Variants in NEDD4 observed in about 807,000 individuals in gnomAD.
NEDD4 encodes E3 ubiquitin-protein ligase NEDD4.
In NEDD4, 99 loss-of-function variants were observed where a neutral mutation model predicts 144.9. The observed-to-expected ratio is 0.68, with a 90% CI of 0.58 to 0.81. The LOEUF (loss-of-function observed/expected upper bound fraction) is 0.81. NEDD4 is among the 30% of genes least tolerant of loss of function. The pLI is 0.00. For synonymous variants in NEDD4, 318 were observed against 350.6 expected, an observed-to-expected ratio of 0.91 and a Z score of 1.04; for missense variants, 985 against 1,065.9, an observed-to-expected ratio of 0.92 and a Z score of 1.06.
chr15:55,974,916 A>T (rs1295571092), intron 1 of NEDD4, among the ~76,000 whole-genome samples: 21 of 40,826 alleles, frequency 5.1e-4, no homozygotes, highest in South Asian at 7.9e-4. Flanking sequence ...TTTTTTTGAG[A>T]TGGAGTCTTG....
At chr15:55,972,373 AAAGC>A (rs2037626812) in intron 1 of NEDD4, among the ~76,000 whole-genome samples, 1 of 152,220 alleles carries the variant, frequency 6.6e-6, no homozygotes, top group African/African-American at 2.4e-5. Context: ...AAAAAGTTAA[AAAGC>A]AAGAAGGATA....
rs76054130 is a variant in NEDD4 at position 55,930,431 on chromosome 15, G to A, written c.238-5732C>T. ...TAGTCAAACCATTTTCTGAGTCTGT[G>A]GTTCACATGAGGAATTCTGATTGAG... is the stretch of plus-strand genomic sequence containing the variant. On this transcript the variant is annotated intron_variant, in intron 4 of 28. Transcript: ENST00000435532. Among the ~76,000 whole-genome samples, 78 of 152,194 alleles carry A rather than the reference G, an allele frequency of 5.1e-4. 3 individuals carry two copies. The East Asian group carries it at 0.013, about 26-fold the overall frequency.
chr15:55,855,046 A>T (rs567304687), intron 12 of NEDD4, among the ~76,000 whole-genome samples: 20 of 152,136 alleles, frequency 1.3e-4, no homozygotes, highest in Non-Finnish European at 2.4e-4. Context: ...GAGTGAGAGT[A>T]AGGCTAGCGA....
At chr15:55,967,468 G>GTA (rs1387939797) in intron 1 of NEDD4, among the ~76,000 whole-genome samples, 3 of 146,496 alleles carry the variant, frequency 2.0e-5, no homozygotes, top group African/African-American at 7.6e-5. Flanking sequence ...GTGTGTGTGT[G>GTA]TGTGTGTATG....
At chr15:55,966,447 A>G in intron 2 of NEDD4, 26 bp downstream of exon 2, 1 of 1,408,474 alleles carries the variant, frequency 7.1e-7, no homozygotes, top group Non-Finnish European at 9.6e-7. Context: ...AAGTTTTAAA[A>G]TTATAATCCA....
chr15:55,869,506 ATTG>A (rs2034697582), intron 8 of NEDD4, 70 bp downstream of exon 8: 2 of 818,190 alleles, frequency 2.4e-6, no homozygotes, highest in African/African-American at 3.5e-5. Flanking sequence ...TTCAATAGTT[ATTG>A]TTCTTCAGAG....
At chr15:55,836,812 G>A (rs2033223817) in intron 24 of NEDD4, among the ~76,000 whole-genome samples, 1 of 152,024 alleles carries the variant, frequency 6.6e-6, no homozygotes, top group African/African-American at 2.4e-5. Context: ...ACAGGAATGA[G>A]CCACCGCGCC....
At chr15:55,905,898 T>A (rs1372319350) in intron 5 of NEDD4, among the ~76,000 whole-genome samples, 1 of 152,196 alleles carries the variant, frequency 6.6e-6, no homozygotes, top group Admixed American at 6.5e-5. Flanking sequence ...TTTGTCAATT[T>A]TGGCTTTTGT....
intron 7 of NEDD4, among the ~76,000 whole-genome samples, chr15:55,870,808 T>TA (rs1338295393): frequency 6.6e-6 from 1 of 152,172 alleles, no homozygotes; most frequent in African/African-American, 2.4e-5. Flanking sequence ...GTGCTACAAT[T>TA]ACAATGCTTT....
intron 4 of NEDD4, among the ~76,000 whole-genome samples, chr15:55,938,725 C>T (rs1008537322): frequency 6.6e-6 from 1 of 151,972 alleles, no homozygotes. Context: ...AAGAGTTGAT[C>T]TCCAAACTTC....
chr15:55,876,626 T>C (rs2035003845), intron 5 of NEDD4, among the ~76,000 whole-genome samples: 1 of 152,030 alleles, frequency 6.6e-6, no homozygotes, highest in African/African-American at 2.4e-5. Context: ...AATATCTGAC[T>C]AACCCAAAAT....
chr15:55,829,741 T>A lies in NEDD4; in HGVS notation c.*156A>T. ...TTATTTAAAAGTGATTAAAAATAAG[T>A]TGTCGTACTATTTCTTCAAATGCTT... On this transcript the variant is annotated 3_prime_UTR_variant, in exon 29 of 29. Transcript: ENST00000435532. The A allele has an allele frequency of 1.7e-6, 1 of 578,774 alleles. No homozygotes were observed. The allele number at this position is 578,774 out of a possible 1,614,324, so 35.9% of individuals were successfully genotyped here. A position where few individuals can be genotyped will look rare whatever the true frequency, so the allele number is the denominator to read the frequency against.
intron 5 of NEDD4, among the ~76,000 whole-genome samples, chr15:55,884,415 C>G (rs2035313490): frequency 6.6e-6 from 1 of 152,054 alleles, no homozygotes; most frequent in African/African-American, 2.4e-5. Flanking sequence ...GCATCTAGAC[C>G]ATCCAGGAAA....
intron 2 of NEDD4, among the ~76,000 whole-genome samples, chr15:55,961,292 G>A (rs1164037144): frequency 5.3e-5 from 8 of 152,130 alleles, no homozygotes; most frequent in African/African-American, 1.7e-4. Context: ...TCTCATGTGA[G>A]AGACTTCAAG....
At chr15:55,933,649 C>T (rs1194079672) in intron 4 of NEDD4, among the ~76,000 whole-genome samples, 2 of 151,606 alleles carry the variant, frequency 1.3e-5, no homozygotes, top group Non-Finnish European at 2.9e-5. Context: ...CAAACCTGCA[C>T]GTTGTGTACG....
chr15:55,878,183 T>A (rs866688773), intron 5 of NEDD4, among the ~76,000 whole-genome samples: 1 of 152,186 alleles, frequency 6.6e-6, no homozygotes, highest in African/African-American at 2.4e-5. Flanking sequence ...AGGTATACAG[T>A]AAGTATAAGT....
chr15:55,962,434 C>T (rs562725624), intron 2 of NEDD4, among the ~76,000 whole-genome samples: 5 of 152,086 alleles, frequency 3.3e-5, no homozygotes, highest in African/African-American at 9.6e-5. Flanking sequence ...TGTCACTGCC[C>T]TTTACGTTGT....
chr15:55,992,141 G>A (rs2037998217), intron 1 of NEDD4: 1 of 152,180 alleles, frequency 6.6e-6, no homozygotes, highest in Non-Finnish European at 1.5e-5. Context: ...CAGGTGAAGT[G>A]CTGTATTATC....
At chr15:55,933,669 G>A (rs1343925991) in intron 4 of NEDD4, among the ~76,000 whole-genome samples, 1 of 151,746 alleles carries the variant, frequency 6.6e-6, no homozygotes, top group Non-Finnish European at 1.5e-5. Flanking sequence ...GTGTACCCTA[G>A]AACTTAAAGT....
Sources: gnomAD v4.1 joint callset for allele counts (sites outside exome capture counted in the v4.1 genomes callset) on GRCh38, gnomAD v4.1.1 for gene constraint, MANE v1.5 for transcripts, NCBI Gene and HGNC (gene_info 2026-07-23, HGNC 2026-07-21) for gene names.